The following GCSH variants were observed in gnomAD, a reference collection of about 807,000 sequenced individuals.
The protein encoded by GCSH is glycine cleavage system protein H.
In GCSH, 15 loss-of-function variants were observed where a neutral mutation model predicts 21.3. The observed-to-expected ratio is 0.70, with a 90% CI of 0.47 to 1.08. The LOEUF (loss-of-function observed/expected upper bound fraction) is 1.08. Ranked by LOEUF, GCSH falls within the 50% of genes least tolerant of loss-of-function variation. GCSH has a pLI of 0.00. For synonymous variants in GCSH, 59 were observed against 84.5 expected (o/e 0.70, Z 1.66); for missense variants, 179 against 217.5 (o/e 0.82, Z 1.11).
At chr16:81,084,441 G>A (rs112187220) in intron 4 of GCSH, 22 bp downstream of exon 4, 24 of 1,590,872 alleles carry the variant, frequency 1.5e-5, no homozygotes, top group African/African-American at 1.5e-4. Context: ...AATTCCTTGA[G>A]AAATTTCTAG....
At chr16:81,088,546 C>G (rs558293685) in intron 2 of GCSH, among the ~76,000 whole-genome samples, 1 of 152,200 alleles carries the variant, frequency 6.6e-6, no homozygotes, top group South Asian at 2.1e-4. Context: ...TTACAGGTGC[C>G]CACCACCATG....
chr16:81,086,790 G>T (rs1353658529), intron 3 of GCSH, among the ~76,000 whole-genome samples: 1 of 132,172 alleles, frequency 7.6e-6, no homozygotes, highest in Non-Finnish European at 1.7e-5. Context: ...CCCAAAAGCA[G>T]CCAAACGTAA....
intron 2 of GCSH, 127 bp from the exon 3 acceptor site, chr16:81,087,791 T>A: frequency 1.4e-6 from 1 of 723,286 alleles, no homozygotes; most frequent in Non-Finnish European, 2.4e-6. Flanking sequence ...CTGGAGGGGC[T>A]ACATTCTTGA....
chr16:81,090,113 T>TG (rs566785165), intron 2 of GCSH, among the ~76,000 whole-genome samples: 20 of 149,608 alleles, frequency 1.3e-4, no homozygotes, highest in Non-Finnish European at 2.8e-4. Flanking sequence ...TTTTTGGAGA[T>TG]GGAGTCTCAC....
intron 2 of GCSH, among the ~76,000 whole-genome samples, chr16:81,088,444 G>A (rs1972328247): frequency 6.6e-6 from 1 of 152,036 alleles, no homozygotes; most frequent in Non-Finnish European, 1.5e-5. Context: ...TGTTGCCCAG[G>A]CTGGAGTGCA....
At chr16:81,093,200 T>C (rs1972432444) in intron 1 of GCSH, among the ~76,000 whole-genome samples, 1 of 151,992 alleles carries the variant, frequency 6.6e-6, no homozygotes, top group South Asian at 2.1e-4. Context: ...AAATAGATAG[T>C]ATATAGTTAT....
At chr16:81,092,075 G>A (rs1233506671) in intron 1 of GCSH, among the ~76,000 whole-genome samples, 3 of 152,076 alleles carry the variant, frequency 2.0e-5, no homozygotes, top group South Asian at 2.1e-4. Context: ...TCACTCTGAC[G>A]TTCAGGTAAG....
intron 3 of GCSH, 119 bp from the exon 4 acceptor site, chr16:81,084,713 T>A: frequency 1.8e-5 from 2 of 113,920 alleles, no homozygotes; most frequent in Non-Finnish European, 1.3e-5. Context: ...CCAAATTTCT[T>A]TTTTTTTTTT....
chr16:81,089,670 T>TC (rs35682793), intron 2 of GCSH, among the ~76,000 whole-genome samples: 1 of 152,050 alleles, frequency 6.6e-6, no homozygotes, highest in Middle Eastern at 3.4e-3. Flanking sequence ...TCAGTTAACA[T>TC]CCCCCCTTCC....
At chr16:81,093,049 T>C (rs1972428268) in intron 1 of GCSH, among the ~76,000 whole-genome samples, 1 of 151,640 alleles carries the variant, frequency 6.6e-6, no homozygotes, top group African/African-American at 2.4e-5. Flanking sequence ...GGAGAATCAC[T>C]TGAACCTGGG....
intron 1 of GCSH, among the ~76,000 whole-genome samples, chr16:81,093,922 G>C (rs1310707717): frequency 6.6e-6 from 1 of 151,986 alleles, no homozygotes. Flanking sequence ...CTTTTTTTGA[G>C]ACAGAGTCTC....
At chr16:81,095,520 T>C (rs1972487129) in intron 1 of GCSH, among the ~76,000 whole-genome samples, 1 of 151,886 alleles carries the variant, frequency 6.6e-6, no homozygotes, top group Non-Finnish European at 1.5e-5. Context: ...GTAGCTGGGA[T>C]TACATGCGCA....
At chr16:81,095,962 C>T (rs1972497532) in intron 1 of GCSH, among the ~76,000 whole-genome samples, 169 bp downstream of exon 1, 1 of 152,168 alleles carries the variant, frequency 6.6e-6, no homozygotes, top group East Asian at 1.9e-4. Flanking sequence ...GGGGGAGAAG[C>T]GGCCGCAGAG....
Position 81,082,041 on chromosome 16 carries a change from A to G in GCSH, c.*825T>C, listed in dbSNP as rs1292636631. 2 of 454,140 alleles carry G rather than the reference A, an allele frequency of 4.4e-6. No individual in the cohort carries two copies. The highest frequency in any genetic ancestry group is 4.4e-6 in the Non-Finnish European group (1 of 226,798). The allele number at this position is 454,140 out of a possible 1,614,324, so 28.1% of individuals were successfully genotyped here. Reference sequence around the variant, plus strand: ...TAACAACTTAAAAACACCATGTGCTATACTGATCAAAACTTCCACCTTCCT... The same window carrying G: ...TAACAACTTAAAAACACCATGTGCTGTACTGATCAAAACTTCCACCTTCCT... On this transcript the variant is annotated 3_prime_UTR_variant, in exon 5 of 5. Coordinates refer to ENST00000315467, the MANE Select transcript of GCSH (RefSeq NM_004483.5).
At chr16:81,086,564 TAAG>T (rs200477393) in intron 3 of GCSH, among the ~76,000 whole-genome samples, 1 of 149,598 alleles carries the variant, frequency 6.7e-6, no homozygotes, top group Non-Finnish European at 1.5e-5. Context: ...CTCAAAAAAA[TAAG>T]AAGAAAAAAA....
chr16:81,091,183 G>A (rs1972390940), intron 1 of GCSH: 20 of 414,696 alleles, frequency 4.8e-5, no homozygotes, highest in South Asian at 3.3e-4. Context: ...AGTGCAGCTT[G>A]GGTTACAAAG....
At chr16:81,089,170 G>A (rs1194996660) in intron 2 of GCSH, among the ~76,000 whole-genome samples, 1 of 152,180 alleles carries the variant, frequency 6.6e-6, no homozygotes, top group African/African-American at 2.4e-5. Flanking sequence ...TATGACAGTG[G>A]TCCCATGAAA....
intron 3 of GCSH, among the ~76,000 whole-genome samples, chr16:81,085,226 G>A (rs1052831392): frequency 1.3e-5 from 2 of 151,682 alleles, no homozygotes; most frequent in South Asian, 2.1e-4. Context: ...TGTTGGCCAA[G>A]CTGGTCTTGA....
rs763270131 is a variant in GCSH, at chr16:81,082,885, A to C, written c.503T>G (p.Ile168Arg). ...LMSEEAYEKY[I>R]KSIEE ...CCATTTTCACTCCTCAATAGATTTTATGTATTTCTCATATGCTTCTTCACT... is the reference window on the plus strand; with the variant it reads ...CCATTTTCACTCCTCAATAGATTTTCTGTATTTCTCATATGCTTCTTCACT... The change falls in exon 5 of 5, where the codon ATA becomes AGA. Residue 168 changes from isoleucine to arginine, a missense_variant. By Grantham distance (97) the Ile-to-Arg change is moderately conservative. Coordinates refer to ENST00000315467, the MANE Select transcript of GCSH (RefSeq NM_004483.5). 1 of 1,305,904 alleles carries C rather than the reference A, an allele frequency of 7.7e-7. No homozygotes were observed. Among genetic ancestry groups the C allele is most frequent in the South Asian group, 1.2e-5 (1 of 84,918 alleles). The allele number at this position is 1,305,904 out of a possible 1,614,324, so 80.9% of individuals were successfully genotyped here. A position where few individuals can be genotyped will look rare whatever the true frequency, so the allele number is the denominator to read the frequency against.
Sources: allele counts gnomAD v4.1 joint callset (sites outside exome capture counted in the v4.1 genomes callset), GRCh38; gene constraint gnomAD v4.1.1; transcripts MANE v1.5; gene names NCBI Gene and HGNC (gene_info 2026-07-23, HGNC 2026-07-21).